Variants in PHYHIPL observed in about 807,000 individuals in gnomAD.
PHYHIPL encodes phytanoyl-CoA 2-hydroxylase interacting protein like.
A neutral mutation model predicts 33.4 loss-of-function variants in PHYHIPL; 9 were observed. That is an observed-to-expected ratio of 0.27 (90% confidence interval 0.16 to 0.47). The LOEUF (loss-of-function observed/expected upper bound fraction) is 0.47, where lower values mean the gene tolerates loss of function less well. PHYHIPL is among the 20% of genes least tolerant of loss of function. The probability of loss-of-function intolerance (pLI) is 0.99; values close to 1 mark genes in which losing one functional copy is unlikely to be tolerated. For synonymous variants in PHYHIPL, 153 were observed against 154.1 expected (o/e 0.99, Z 0.05); for missense variants, 365 against 460.7 (o/e 0.79, Z 1.90).
chr10:59,177,497 C>T lies in PHYHIPL; in HGVS notation c.106+538C>T, dbSNP rs1589252650. The T allele has an allele frequency of 1.2e-5, 19 of 1,549,380 alleles. No individual in the cohort carries two copies. In the East Asian group the frequency reaches 4.6e-4, roughly 38 times the overall value. ...TAGGATGACAGTTTTTCAGTGAGGG[C>T]GCAGAAAAACAGTGCATTTCAGCAC... On this transcript the variant is annotated intron_variant, in intron 1 of 4. Coordinates refer to ENST00000373880, the MANE Select transcript of PHYHIPL (RefSeq NM_032439.4).
chr10:59,229,186 A>G (rs1010734440), intron 1 of PHYHIPL, among the ~76,000 whole-genome samples: 2 of 152,206 alleles, frequency 1.3e-5, no homozygotes, highest in African/African-American at 4.8e-5. Flanking sequence ...TCTTTCATAG[A>G]GGTAAATACT....
chr10:59,210,316 G>A (rs981380699), intron 1 of PHYHIPL, among the ~76,000 whole-genome samples: 1 of 152,032 alleles, frequency 6.6e-6, no homozygotes, highest in Non-Finnish European at 1.5e-5. Flanking sequence ...CCAACAAACA[G>A]ATGAAAAAAA....
intron 1 of PHYHIPL, among the ~76,000 whole-genome samples, chr10:59,204,933 T>C (rs1294958116): frequency 6.6e-6 from 1 of 151,516 alleles, no homozygotes; most frequent in African/African-American, 2.4e-5. Flanking sequence ...GGTGTGATCT[T>C]GGCTCACTGC....
At chr10:59,241,387 A>G (rs1267790251) in intron 4 of PHYHIPL, among the ~76,000 whole-genome samples, 1 of 152,148 alleles carries the variant, frequency 6.6e-6, no homozygotes, top group African/African-American at 2.4e-5. Flanking sequence ...TCCTCTAGAA[A>G]TGAATTCCTA....
intron 1 of PHYHIPL, among the ~76,000 whole-genome samples, chr10:59,185,381 T>G (rs1838563867): frequency 6.6e-6 from 1 of 152,204 alleles, no homozygotes; most frequent in African/African-American, 2.4e-5. Context: ...ACATTTGGGT[T>G]GGTTCCAAGT....
chr10:59,209,368 A>G (rs1198557088), intron 1 of PHYHIPL, among the ~76,000 whole-genome samples: 1 of 152,170 alleles, frequency 6.6e-6, no homozygotes, highest in Admixed American at 6.5e-5. Context: ...CTTTACAGAG[A>G]AGCAAATGCT....
At chr10:59,217,885 C>T (rs1839661024) in intron 1 of PHYHIPL, among the ~76,000 whole-genome samples, 1 of 152,086 alleles carries the variant, frequency 6.6e-6, no homozygotes, top group African/African-American at 2.4e-5. Flanking sequence ...CTTTGTCTTT[C>T]ATATCCAGGG....
chr10:59,176,580 G>A (rs1267763200), upstream of PHYHIPL: 7 of 216,582 alleles, frequency 3.2e-5, no homozygotes, highest in South Asian at 8.4e-4. Context: ...CCCGAGAGCA[G>A]CGTCCCCTCC....
chr10:59,221,308 T>G (rs1476517903), intron 1 of PHYHIPL, among the ~76,000 whole-genome samples: 1 of 152,068 alleles, frequency 6.6e-6, no homozygotes, highest in Non-Finnish European at 1.5e-5. Flanking sequence ...TTAAAACATG[T>G]TTAACAAGGT....
chr10:59,199,888 A>G (rs184651929), intron 1 of PHYHIPL, among the ~76,000 whole-genome samples: 112 of 152,126 alleles, frequency 7.4e-4, no homozygotes, highest in African/African-American at 2.5e-3. Flanking sequence ...AATGCTTGTG[A>G]TTTTTGCACC....
At chr10:59,197,932 T>C (rs1237694484) in intron 1 of PHYHIPL, among the ~76,000 whole-genome samples, 9 of 152,264 alleles carry the variant, frequency 5.9e-5, no homozygotes, top group African/African-American at 1.9e-4. Flanking sequence ...CTACTCAGGG[T>C]TGTGCTTGAG....
chr10:59,177,506 A>C, intron 1 of PHYHIPL: 10 of 1,551,044 alleles, frequency 6.4e-6, no homozygotes, highest in Non-Finnish European at 8.7e-6. Context: ...GCGCAGAAAA[A>C]CAGTGCATTT....
At chr10:59,215,991 G>A (rs1839603690) in intron 1 of PHYHIPL, among the ~76,000 whole-genome samples, 2 of 151,966 alleles carry the variant, frequency 1.3e-5, no homozygotes, top group Non-Finnish European at 2.9e-5. Context: ...GATTGGAAAG[G>A]AAAATCAAGA....
Position 59,176,718 on chromosome 10 carries a change from C to T in PHYHIPL, c.-136C>T. ...GCTCTCCAGCCCCGCGCCTCAGCCT[C>T]GGCGCCGCATCACCGCGTCCCAGGC... is the stretch of plus-strand genomic sequence containing the variant. On this transcript the variant is annotated 5_prime_UTR_variant, in exon 1 of 5. Transcript: ENST00000373880. 3 of 766,568 alleles carry T rather than the reference C, an allele frequency of 3.9e-6. No individual in the cohort carries two copies. Among genetic ancestry groups the T allele is most frequent in the Non-Finnish European group, 6.1e-6 (3 of 490,422 alleles). The allele number at this position is 766,568 out of a possible 1,614,324, so 47.5% of individuals were successfully genotyped here.
intron 1 of PHYHIPL, among the ~76,000 whole-genome samples, chr10:59,197,599 C>T (rs1838954474): frequency 6.6e-6 from 1 of 152,044 alleles, no homozygotes; most frequent in African/African-American, 2.4e-5. Context: ...ACCTTTGTGC[C>T]AGGGCCAGCA....
At chr10:59,234,694 T>A (rs1280680960) in intron 2 of PHYHIPL, among the ~76,000 whole-genome samples, 194 bp downstream of exon 2, 1 of 151,848 alleles carries the variant, frequency 6.6e-6, no homozygotes, top group African/African-American at 2.4e-5. Context: ...GCCATGCTTT[T>A]TGTTAGAAGA....
chr10:59,177,147 G>A lies in PHYHIPL; in HGVS notation c.106+188G>A, dbSNP rs183220473. ...CTCACCCCAGAAACAAAAGGACCCC[G>A]GGGCTCGCGCCTTGGCGCGGAAAGT... On this transcript the variant is annotated intron_variant, in intron 1 of 4. Transcript: ENST00000373880. The A allele has an allele frequency of 6.9e-4, 424 of 610,450 alleles. 3 individuals carry two copies. In the African/African-American group the frequency reaches 7.3e-3, roughly 11 times the overall value. The allele number at this position is 610,450 out of a possible 1,614,324, so 37.8% of individuals were successfully genotyped here.
Position 59,176,787 on chromosome 10 carries a change from C to G in PHYHIPL, c.-67C>G. The G allele has an allele frequency of 7.0e-7, 1 of 1,436,074 alleles. No individual in the cohort carries two copies. Among genetic ancestry groups the G allele is most frequent in the Non-Finnish European group, 9.6e-7 (1 of 1,045,542 alleles). The allele number at this position is 1,436,074 out of a possible 1,614,324, so 89.0% of individuals were successfully genotyped here. ...CACTCCCCCTCCCTTTCCCGCTCTTCTTGCCCACCCGGCCGGCAGAGAGAG... is the reference window on the plus strand; with the variant it reads ...CACTCCCCCTCCCTTTCCCGCTCTTGTTGCCCACCCGGCCGGCAGAGAGAG... On this transcript the variant is annotated 5_prime_UTR_variant, in exon 1 of 5. Transcript: ENST00000373880.
At chr10:59,197,084 A>G (rs1034681806) in intron 1 of PHYHIPL, among the ~76,000 whole-genome samples, 6 of 152,198 alleles carry the variant, frequency 3.9e-5, no homozygotes, top group Admixed American at 1.3e-4. Context: ...ATTCACTGCT[A>G]CCTATGATAG....
Sources: gnomAD v4.1 joint callset for allele counts (sites outside exome capture counted in the v4.1 genomes callset) on GRCh38, gnomAD v4.1.1 for gene constraint, MANE v1.5 for transcripts, NCBI Gene and HGNC (gene_info 2026-07-23, HGNC 2026-07-21) for gene names.